Variants in FAM240C observed in about 807,000 individuals in gnomAD.
FAM240C encodes the protein protein FAM240C.
A neutral mutation model predicts 10.0 loss-of-function variants in FAM240C; 14 were observed. The observed-to-expected ratio is 1.40, with a 90% CI of 0.92 to 2.19. The LOEUF (loss-of-function observed/expected upper bound fraction) is 2.19, where lower values mean the gene tolerates loss of function less well. FAM240C is among the 30% of genes most tolerant of loss of function. The probability of loss-of-function intolerance (pLI) is 0.00; values close to 1 mark genes in which losing one functional copy is unlikely to be tolerated. For missense variants in FAM240C, 154 were observed against 122.3 expected (o/e 1.26, Z -1.22); for synonymous variants, 49 against 44.3 (o/e 1.11, Z -0.42).
chr2:241,901,310 G>A (rs1271729304), upstream of FAM240C, among the ~76,000 whole-genome samples: 1 of 152,160 alleles, frequency 6.6e-6, no homozygotes, highest in African/African-American at 2.4e-5. The surrounding 1 kb of genome is among the most constrained non-coding windows in gnomAD (Gnocchi z 4.9). Context: ...GCCGGCAGCA[G>A]GGCCGGCCCA....
upstream of FAM240C, among the ~76,000 whole-genome samples, chr2:241,901,011 C>T (rs1446666297): frequency 1.3e-5 from 2 of 152,102 alleles, no homozygotes; most frequent in East Asian, 3.9e-4. The surrounding 1 kb of genome is among the most constrained non-coding windows in gnomAD (Gnocchi z 4.9). Flanking sequence ...AATTCCAGAC[C>T]TTGGTCCAGA....
In FAM240C at chr2:241,894,135, G is replaced by A. The variant is rs1701728927; in HGVS notation, c.*78C>T. The stretch of plus-strand genomic sequence containing the variant: ...TGAAGATCCTGTGAACTCTGGCGTG[G>A]ATGCTTGGACCCCACGCGTGGTGTT... On this transcript the variant is annotated 3_prime_UTR_variant, in exon 3 of 3. Transcript: ENST00000404031. 1.4e-6 allele frequency: 2 copies of A among 1,461,018 alleles called. No individual in the cohort carries two copies. Among genetic ancestry groups the A allele is most frequent in the South Asian group, 1.3e-5 (1 of 76,790 alleles). 90.5% of individuals were successfully genotyped at this position (1,461,018 alleles called of 1,614,324 possible).
upstream of FAM240C, chr2:241,902,464 C>T (rs1702008589): frequency 6.5e-6 from 1 of 154,500 alleles, no homozygotes; most frequent in Admixed American, 6.5e-5. This position sits in a 1 kb window ranked among gnomAD's most constrained non-coding sequence, Gnocchi z 7.1. Flanking sequence ...GCCTCCAAGC[C>T]TCCTGTGCCA....
At chr2:241,899,325 G>A (rs931568971) in intron 1 of FAM240C, 21 of 985,310 alleles carry the variant, frequency 2.1e-5, no homozygotes, top group South Asian at 4.7e-5. Context: ...CACAGAAATC[G>A]CCCATCGATG....
rs1701732631 is a variant in FAM240C, at chr2:241,894,286, C to G, written c.215G>C (p.Gly72Ala). 2 of 1,549,626 alleles carry G rather than the reference C, an allele frequency of 1.3e-6. No individual in the cohort carries two copies. Among genetic ancestry groups the G allele is most frequent in the Admixed American group, 3.9e-5 (2 of 50,984 alleles). Residue 72 changes from glycine (G) to alanine (A), a missense_variant, in exon 3 of 3, where the codon GGC (glycine) becomes GCC (alanine). Physicochemically the swap from Gly to Ala is moderately conservative, Grantham distance 60. Transcript: ENST00000404031. ...QLEGRNKMLQ[G>A]PGRCPDRVPE... ...GACCCTGTCTGGGCATCTCCCTGGG[C>G]CCTGCAGCATCTTGTTCCTCCCCTC... is the stretch of plus-strand genomic sequence containing the variant.
rs1701955652 is a variant in FAM240C, at chr2:241,900,366, C to A, written c.4G>T (p.Val2Phe). The stretch of plus-strand genomic sequence containing the variant: ...CATCACAGAGAGCTTACTTTTCCAA[C>A]CATTTCTCAGTGACGGGCAGGTTTT... Reference protein sequence around the residue: MVGKNMSKSLTL... With the variant: MFGKNMSKSLTL... The change falls in exon 1 of 3, where the codon GTT becomes TTT. Residue 2 changes from valine (V) to phenylalanine (F), a missense_variant. Transcript: ENST00000404031. This position sits in a 1 kb window ranked among gnomAD's most constrained non-coding sequence, Gnocchi z 4.5. 3 of 717,328 alleles carry A rather than the reference C, an allele frequency of 4.2e-6. No homozygotes were observed. Among genetic ancestry groups the A allele is most frequent in the Non-Finnish European group, 7.8e-6 (3 of 385,054 alleles). The allele number at this position is 717,328 out of a possible 1,614,324, so 44.4% of individuals were successfully genotyped here. A position where few individuals can be genotyped will look rare whatever the true frequency, so the allele number is the denominator to read the frequency against.
chr2:241,896,573 G>GGGGGTGTGGGTGTT (rs1701816012), intron 2 of FAM240C, among the ~76,000 whole-genome samples: 1 of 18,806 alleles, frequency 5.3e-5, no homozygotes, highest in African/African-American at 3.2e-4. Context: ...GTGTGGGTGT[G>GGGGGTGTGGGTGTT]GGGGTGTGGG....
chr2:241,900,558 G>C (rs184618736), upstream of FAM240C: 19 of 586,828 alleles, frequency 3.2e-5, no homozygotes, highest in Non-Finnish European at 5.9e-5. This position sits in a 1 kb window ranked among gnomAD's most constrained non-coding sequence, Gnocchi z 4.5. Context: ...AGAGCTGTCC[G>C]TCCGGAGGGC....
intron 2 of FAM240C, among the ~76,000 whole-genome samples, chr2:241,895,311 C>T (rs553747220): frequency 9.8e-5 from 15 of 152,362 alleles, no homozygotes; most frequent in Non-Finnish European, 1.6e-4. Flanking sequence ...ACAGACTTGG[C>T]GCCTCCGGGC....
chr2:241,897,077 G>T, intron 2 of FAM240C, 109 bp downstream of exon 2: 1 of 1,237,782 alleles, frequency 8.1e-7, no homozygotes, highest in South Asian at 1.5e-5. Flanking sequence ...TTCATGGTGG[G>T]CTGAGGGCCA....
chr2:241,894,590 G>A (rs1336228220), intron 2 of FAM240C, among the ~76,000 whole-genome samples: 3 of 114,128 alleles, frequency 2.6e-5, no homozygotes, highest in Non-Finnish European at 3.7e-5. Context: ...GGGGGGGGGC[G>A]TCTCACTCAG....
At chr2:241,894,851 C>T (rs969994074) in intron 2 of FAM240C, among the ~76,000 whole-genome samples, 9 of 152,188 alleles carry the variant, frequency 5.9e-5, no homozygotes, top group African/African-American at 1.9e-4. Context: ...CTTGCCTGCC[C>T]GCCTCACCTG....
chr2:241,901,331 C>T (rs1370734002), upstream of FAM240C, among the ~76,000 whole-genome samples: 2 of 152,232 alleles, frequency 1.3e-5, no homozygotes, highest in Non-Finnish European at 2.9e-5. The surrounding 1 kb of genome is among the most constrained non-coding windows in gnomAD (Gnocchi z 4.9). Flanking sequence ...GGGCCAGCCT[C>T]CGTGATCTCG....
At chr2:241,896,517 T>TAAG in intron 2 of FAM240C, among the ~76,000 whole-genome samples, 1 of 69,554 alleles carries the variant, frequency 1.4e-5, no homozygotes, top group Non-Finnish European at 2.7e-5. Context: ...GTGTGGGTGT[T>TAAG]GGGGTGTGGG....
intron 2 of FAM240C, among the ~76,000 whole-genome samples, chr2:241,896,956 T>C (rs573786875): frequency 6.6e-6 from 1 of 151,888 alleles, no homozygotes; most frequent in Admixed American, 6.5e-5. Context: ...GTTAGCAACG[T>C]GGTGTCTTGT....
intron 1 of FAM240C, among the ~76,000 whole-genome samples, chr2:241,898,820 G>A (rs1701912515): frequency 6.6e-6 from 1 of 152,204 alleles, no homozygotes; most frequent in Admixed American, 6.5e-5. Flanking sequence ...GCAAGGCGGT[G>A]GGTCTCGGAA....
At chr2:241,899,077 G>T in intron 1 of FAM240C, 1 of 1,272,208 alleles carries the variant, frequency 7.9e-7, no homozygotes, top group Non-Finnish European at 1.0e-6. Flanking sequence ...AAACCAGGCA[G>T]CTGAGACCCG....
chr2:241,896,063 A>G (rs1203978248), intron 2 of FAM240C, among the ~76,000 whole-genome samples: 1 of 150,984 alleles, frequency 6.6e-6, no homozygotes, highest in Non-Finnish European at 1.5e-5. Context: ...GTGAGTGGGG[A>G]GGGGCACCCC....
At chr2:241,898,024 C>T (rs554018766) in intron 1 of FAM240C, among the ~76,000 whole-genome samples, 4 of 152,262 alleles carry the variant, frequency 2.6e-5, no homozygotes, top group Non-Finnish European at 2.9e-5. Flanking sequence ...TGTGAGCCAG[C>T]GTGCCCAGCT....
Sources: gnomAD v4.1 joint callset for allele counts (sites outside exome capture counted in the v4.1 genomes callset) on GRCh38, gnomAD v4.1.1 for gene constraint, Gnocchi (gnomAD v3.1) non-coding constraint, MANE v1.5 for transcripts, NCBI Gene and HGNC (gene_info 2026-07-23, HGNC 2026-07-21) for gene names.